The following XKR6 variants were observed in gnomAD, a reference collection of about 807,000 sequenced individuals.
The protein encoded by XKR6 is XK related 6.
XKR6 carries 22 observed loss-of-function variants against 56.7 expected under a neutral mutation model. The observed-to-expected ratio is 0.39, with a 90% CI of 0.28 to 0.55. The LOEUF is 0.55. XKR6 is among the 20% of genes least tolerant of loss of function. XKR6 has a pLI of 0.66. For missense variants in XKR6, 852 were observed against 889.0 expected (o/e 0.96, Z 0.53); for synonymous variants, 524 against 387.8 (o/e 1.35, Z -4.13).
At chr8:11,129,327 T>G (rs2409712) in intron 1 of XKR6, among the ~76,000 whole-genome samples, 68,653 of 151,868 alleles carry the variant, frequency 0.45, 16,987 homozygotes, top group African/African-American at 0.63. Flanking sequence ...AAGCTAAAAG[T>G]TTTATCACTG....
At chr8:11,019,253 C>T (rs896206146) in intron 1 of XKR6, among the ~76,000 whole-genome samples, 4 of 152,212 alleles carry the variant, frequency 2.6e-5, no homozygotes, top group South Asian at 4.1e-4. Context: ...CTGACCCACC[C>T]TCCCTCTCCT....
At chr8:11,093,786 TTTTG>T (rs759081775) in intron 1 of XKR6, among the ~76,000 whole-genome samples, 5 of 152,164 alleles carry the variant, frequency 3.3e-5, no homozygotes, top group African/African-American at 1.2e-4. Context: ...ATGTAATTTT[TTTTG>T]TTTGTTTTTT....
At chr8:11,178,263 C>T (rs970570809) in intron 1 of XKR6, among the ~76,000 whole-genome samples, 2 of 152,042 alleles carry the variant, frequency 1.3e-5, no homozygotes, top group Non-Finnish European at 2.9e-5. Context: ...ACAATCAGCT[C>T]CGGATGGAAC....
chr8:11,157,173 T>C (rs894924663), intron 1 of XKR6, among the ~76,000 whole-genome samples: 1 of 152,090 alleles, frequency 6.6e-6, no homozygotes, highest in African/African-American at 2.4e-5. Context: ...GTCAGGGTGA[T>C]GAAAAGCAAG....
intron 1 of XKR6, among the ~76,000 whole-genome samples, chr8:11,071,684 C>T (rs1205664648): frequency 2.0e-5 from 3 of 150,834 alleles, no homozygotes; most frequent in East Asian, 2.0e-4. Flanking sequence ...GCCATGAGCC[C>T]GGAGTCTATG....
chr8:11,087,829 T>A (rs908561891), intron 1 of XKR6, among the ~76,000 whole-genome samples: 3 of 152,214 alleles, frequency 2.0e-5, no homozygotes, highest in African/African-American at 7.2e-5. Context: ...TGAGTTTCCG[T>A]CACTAGAAAT....
intron 1 of XKR6, among the ~76,000 whole-genome samples, chr8:11,131,828 T>C (rs1800117154): frequency 6.6e-6 from 1 of 152,216 alleles, no homozygotes; most frequent in East Asian, 1.9e-4. Flanking sequence ...TAACGTGCTA[T>C]ACAGGCTTGA....
chr8:11,052,968 C>A (rs571106128), intron 1 of XKR6, among the ~76,000 whole-genome samples: 14 of 152,300 alleles, frequency 9.2e-5, no homozygotes, highest in African/African-American at 3.1e-4. Context: ...CATGTTTGGT[C>A]ACAGTGCTGA....
chr8:10,984,226 G>T (rs889445471), intron 1 of XKR6, among the ~76,000 whole-genome samples: 29 of 152,088 alleles, frequency 1.9e-4, no homozygotes, highest in Admixed American at 6.5e-5. Context: ...CGTCTCCATA[G>T]CTACTGAAAA....
intron 1 of XKR6, among the ~76,000 whole-genome samples, chr8:11,142,898 CACA>C (rs943739108): frequency 1.3e-5 from 2 of 152,112 alleles, no homozygotes; most frequent in Admixed American, 1.3e-4. Flanking sequence ...GCTCTGAGAT[CACA>C]ACGATTTTTT....
chr8:11,052,526 G>C (rs893910898), intron 1 of XKR6, among the ~76,000 whole-genome samples: 2 of 152,206 alleles, frequency 1.3e-5, no homozygotes, highest in African/African-American at 4.8e-5. Flanking sequence ...TTGAATGGGT[G>C]AGTTGGTGAA....
intron 1 of XKR6, among the ~76,000 whole-genome samples, chr8:10,927,598 C>T (rs1036516853): frequency 2.0e-5 from 3 of 152,160 alleles, no homozygotes; most frequent in African/African-American, 7.2e-5. Flanking sequence ...GTTTGCCCTA[C>T]CAGGCAAAGG....
intron 1 of XKR6, among the ~76,000 whole-genome samples, chr8:11,027,400 G>A (rs1035413351): frequency 6.6e-6 from 1 of 152,048 alleles, no homozygotes; most frequent in African/African-American, 2.4e-5. Context: ...GTAGCTACTG[G>A]AAAATTTAAA....
At chr8:11,002,846 G>C (rs780472031) in intron 1 of XKR6, among the ~76,000 whole-genome samples, 3 of 152,202 alleles carry the variant, frequency 2.0e-5, no homozygotes, top group Non-Finnish European at 4.4e-5. Context: ...TTCCAGATGG[G>C]ATATAAAAGT....
intron 1 of XKR6, among the ~76,000 whole-genome samples, chr8:10,947,487 G>A (rs905258353): frequency 1.3e-5 from 2 of 152,078 alleles, no homozygotes; most frequent in Admixed American, 1.3e-4. Context: ...GCCCAGGATG[G>A]AGCCCTGAAA....
intron 1 of XKR6, among the ~76,000 whole-genome samples, chr8:11,066,525 A>G (rs1412581471): frequency 3.3e-5 from 5 of 152,122 alleles, no homozygotes; most frequent in Non-Finnish European, 7.4e-5. Flanking sequence ...TGGTTTTCAC[A>G]TTTATCCAAT....
At chr8:11,140,071 C>T (rs540308455) in intron 1 of XKR6, among the ~76,000 whole-genome samples, 10 of 150,180 alleles carry the variant, frequency 6.7e-5, no homozygotes, top group South Asian at 2.1e-4. Flanking sequence ...GACAAGAACA[C>T]GTAAACACAA....
intron 1 of XKR6, among the ~76,000 whole-genome samples, chr8:11,183,478 GTTTTT>G (rs77467126): frequency 7.1e-6 from 1 of 141,352 alleles, no homozygotes; most frequent in African/African-American, 2.6e-5. Flanking sequence ...CACCTGTCTA[GTTTTT>G]TTTTTTTTTT....
intron 1 of XKR6, among the ~76,000 whole-genome samples, chr8:11,033,998 A>G (rs1799075415): frequency 6.6e-6 from 1 of 152,256 alleles, no homozygotes; most frequent in Non-Finnish European, 1.5e-5. Context: ...TTTCAAGAGC[A>G]GTCCCTTGTT....
Sources: allele counts gnomAD v4.1 joint callset (sites outside exome capture counted in the v4.1 genomes callset), GRCh38; gene constraint gnomAD v4.1.1; transcripts MANE v1.5; gene names NCBI Gene and HGNC (gene_info 2026-07-23, HGNC 2026-07-21).